Variants in MAP4K3 observed in about 807,000 individuals in gnomAD.
MAP4K3 encodes the protein MAPK/ERK kinase kinase kinase 3.
In MAP4K3, 94 loss-of-function variants were observed where a neutral mutation model predicts 143.5. That is an observed-to-expected ratio of 0.65 (90% confidence interval 0.55 to 0.78). The LOEUF (loss-of-function observed/expected upper bound fraction) is 0.78, where lower values mean the gene tolerates loss of function less well. Ranked by LOEUF, MAP4K3 falls within the 30% of genes least tolerant of loss-of-function variation. MAP4K3 has a pLI of 0.00. For missense variants in MAP4K3, 1,077 were observed against 1,068.1 expected (o/e 1.01, Z -0.12); for synonymous variants, 416 against 347.2 (o/e 1.20, Z -2.20).
Position 39,321,565 on chromosome 2 carries a change from C to G in MAP4K3, c.918+3953G>C, listed in dbSNP as rs139016082. Among the ~76,000 whole-genome samples the G allele has an allele frequency of 2.8e-3, 423 of 152,190 alleles. 12 individuals carry two copies. The East Asian group carries it at 0.076, about 27-fold the overall frequency. ...GGAAGGGGAAGACCTGACCGTCCCC[C>G]AGCCCGACACCCATAAAGGGTCTGT... On this transcript the variant is annotated intron_variant, in intron 12 of 33. Coordinates refer to ENST00000263881, the MANE Select transcript of MAP4K3 (RefSeq NM_003618.4).
chr2:39,329,086 C>T (rs1683600862), intron 8 of MAP4K3, among the ~76,000 whole-genome samples: 1 of 152,144 alleles, frequency 6.6e-6, no homozygotes. Flanking sequence ...TTCACAATTT[C>T]ACATGTTCCC....
chr2:39,290,712 G>A (rs1475858263), intron 18 of MAP4K3, among the ~76,000 whole-genome samples: 1 of 152,098 alleles, frequency 6.6e-6, no homozygotes, highest in Non-Finnish European at 1.5e-5. Context: ...CAAAATTACA[G>A]TTATGTAAAT....
At chr2:39,402,834 A>G (rs1044700068) in intron 1 of MAP4K3, among the ~76,000 whole-genome samples, 11 of 152,006 alleles carry the variant, frequency 7.2e-5, no homozygotes, top group Admixed American at 2.0e-4. Context: ...AAGGGAGAAG[A>G]CACAAATTTA....
intron 3 of MAP4K3, among the ~76,000 whole-genome samples, chr2:39,354,745 G>A (rs550579080): frequency 6.6e-6 from 1 of 152,238 alleles, no homozygotes; most frequent in South Asian, 2.1e-4. Context: ...TACAAGAGTG[G>A]TTACAACCAT....
chr2:39,368,286 G>A (rs1665980943), intron 2 of MAP4K3, among the ~76,000 whole-genome samples: 2 of 152,166 alleles, frequency 1.3e-5, no homozygotes, highest in African/African-American at 4.8e-5. Context: ...AGAGCACGGT[G>A]TAGATTTTAA....
At position 39,258,443 on chromosome 2, in the gene MAP4K3, A is replaced by G. The variant is rs1180548330; in HGVS notation, c.2378-3T>C. 2.5e-6 allele frequency: 4 copies of G among 1,606,040 alleles called. No homozygotes were observed. The South Asian group carries it at 4.4e-5, about 18-fold the overall frequency. ...GAGATTTACTATTTTTATACAACCT[A>G]GAGGAAAAAAAGTCACTCAGAAACT... On this transcript the variant is annotated splice_region_variant and splice_polypyrimidine_tract_variant and intron_variant, in intron 30 of 33. Coordinates refer to ENST00000263881, the MANE Select transcript of MAP4K3 (RefSeq NM_003618.4).
chr2:39,284,444 A>C (rs1465542169), intron 21 of MAP4K3, among the ~76,000 whole-genome samples: 1 of 152,138 alleles, frequency 6.6e-6, no homozygotes. Flanking sequence ...TATAGGTGTG[A>C]GCCACTGTGC....
intron 21 of MAP4K3, among the ~76,000 whole-genome samples, chr2:39,284,823 G>A (rs940255443): frequency 1.6e-4 from 25 of 151,676 alleles, no homozygotes; most frequent in African/African-American, 4.8e-4. Flanking sequence ...TGGCCTGGGC[G>A]ACAGAGCGAG....
chr2:39,346,724 T>C (rs1232357254), intron 3 of MAP4K3, among the ~76,000 whole-genome samples: 3 of 152,200 alleles, frequency 2.0e-5, no homozygotes, highest in Admixed American at 6.5e-5. Flanking sequence ...TATAAACTAT[T>C]TTAATCTGCA....
chr2:39,257,171 G>A (rs943555674), intron 31 of MAP4K3, among the ~76,000 whole-genome samples: 1 of 152,130 alleles, frequency 6.6e-6, no homozygotes, highest in Non-Finnish European at 1.5e-5. Context: ...TATCTTTACT[G>A]ATAAGGAACA....
At chr2:39,278,323 T>C (rs1681363765) in intron 24 of MAP4K3, 84 bp downstream of exon 24, 1 of 744,092 alleles carries the variant, frequency 1.3e-6, no homozygotes. Flanking sequence ...CAGCAAGTCA[T>C]GAAACTGAAC....
chr2:39,408,283 G>A (rs1667148276), intron 1 of MAP4K3, among the ~76,000 whole-genome samples: 2 of 152,156 alleles, frequency 1.3e-5, no homozygotes, highest in South Asian at 2.1e-4. Flanking sequence ...TGGCCACCCA[G>A]ATCCCAGGAG....
chr2:39,331,232 G>A (rs935117647), intron 8 of MAP4K3, among the ~76,000 whole-genome samples: 38 of 151,964 alleles, frequency 2.5e-4, no homozygotes, highest in African/African-American at 8.7e-4. Flanking sequence ...TCAAAGTAAT[G>A]ATATGAACAA....
intron 23 of MAP4K3, among the ~76,000 whole-genome samples, chr2:39,278,733 C>T (rs1282702414): frequency 1.3e-5 from 2 of 152,164 alleles, no homozygotes. Flanking sequence ...ATAGTAGATT[C>T]TTCACTCATC....
At chr2:39,319,604 C>G (rs556417531) in intron 12 of MAP4K3, among the ~76,000 whole-genome samples, 7 of 152,240 alleles carry the variant, frequency 4.6e-5, no homozygotes, top group Non-Finnish European at 1.0e-4. Context: ...AGTAAAATCT[C>G]AAGTAATATT....
chr2:39,412,645 T>C (rs1572502296), intron 1 of MAP4K3, among the ~76,000 whole-genome samples: 1 of 152,178 alleles, frequency 6.6e-6, no homozygotes, highest in East Asian at 1.9e-4. Flanking sequence ...TAAATTTACA[T>C]GACAATGAAG....
intron 1 of MAP4K3, among the ~76,000 whole-genome samples, chr2:39,426,904 G>A (rs987265460): frequency 1.3e-5 from 2 of 151,908 alleles, no homozygotes; most frequent in Non-Finnish European, 2.9e-5. Context: ...AAAGAGATAG[G>A]GGAAGAAAGG....
At chr2:39,426,979 GA>G (rs1303183037) in intron 1 of MAP4K3, among the ~76,000 whole-genome samples, 1 of 151,906 alleles carries the variant, frequency 6.6e-6, no homozygotes, top group Non-Finnish European at 1.5e-5. Flanking sequence ...TCAGATTAAA[GA>G]AAAACAGTAA....
At chr2:39,327,767 G>A (rs567547288) in intron 8 of MAP4K3, among the ~76,000 whole-genome samples, 1 of 151,756 alleles carries the variant, frequency 6.6e-6, no homozygotes, top group Non-Finnish European at 1.5e-5. Flanking sequence ...ATGATGACTA[G>A]ATTCCAAGTA....
Sources: allele counts gnomAD v4.1 joint callset (sites outside exome capture counted in the v4.1 genomes callset), GRCh38; gene constraint gnomAD v4.1.1; transcripts MANE v1.5; gene names NCBI Gene and HGNC (gene_info 2026-07-23, HGNC 2026-07-21).